Variants in POM121 observed in about 807,000 individuals in gnomAD.
POM121 encodes the protein POM121 transmembrane nucleoporin.
A neutral mutation model predicts 81.3 loss-of-function variants in POM121; 32 were observed. The ratio of observed to expected loss-of-function variants is 0.39; its 90% CI spans 0.30 to 0.53. The LOEUF is 0.53. Ranked by LOEUF, POM121 falls within the 20% of genes least tolerant of loss-of-function variation. The pLI is 0.66. For synonymous variants in POM121, 514 were observed against 694.2 expected (o/e 0.74, Z 4.08); for missense variants, 1,138 against 1,614.6 (o/e 0.70, Z 5.06).
intron 4 of POM121, among the ~76,000 whole-genome samples, chr7:72,918,954 C>T (rs1451513108): frequency 6.6e-6 from 1 of 152,136 alleles, no homozygotes; most frequent in Non-Finnish European, 1.5e-5. Context: ...CCCGCCACCA[C>T]ACCCGGCTAA....
At chr7:72,881,856 C>T (rs1359348023) in intron 1 of POM121, among the ~76,000 whole-genome samples, 1 of 152,092 alleles carries the variant, frequency 6.6e-6, no homozygotes, top group Non-Finnish European at 1.5e-5. Context: ...GTCTCAAACT[C>T]CTGACCTCAG....
chr7:72,894,640 AGAGAGAGAGAG>A (rs1791709785), intron 3 of POM121, among the ~76,000 whole-genome samples: 2 of 115,034 alleles, frequency 1.7e-5, no homozygotes, highest in Non-Finnish European at 3.5e-5. Context: ...AGAGAGAGAG[AGAGAGAGAGAG>A]AGAGAGAGAG....
chr7:72,898,832 A>G (rs868943622), intron 3 of POM121, among the ~76,000 whole-genome samples: 4 of 151,182 alleles, frequency 2.6e-5, no homozygotes, highest in African/African-American at 9.7e-5. Context: ...GGAGTCTTCA[A>G]TGTGGCAACA....
chr7:72,924,175 T>C (rs1482490290), upstream of POM121, among the ~76,000 whole-genome samples: 1 of 149,616 alleles, frequency 6.7e-6, no homozygotes, highest in African/African-American at 2.5e-5. Flanking sequence ...CTCGATCTCC[T>C]GACCTTGTGA....
At chr7:72,927,140 G>A (rs1338881230) in intron 3 of POM121, among the ~76,000 whole-genome samples, 177 bp downstream of exon 3, 2 of 152,198 alleles carry the variant, frequency 1.3e-5, no homozygotes, top group Non-Finnish European at 2.9e-5. Context: ...CTCTTTTCAA[G>A]GCACAGGTTA....
chr7:72,937,758 A>G (rs1215997111), intron 5 of POM121, among the ~76,000 whole-genome samples: 22 of 152,300 alleles, frequency 1.4e-4, no homozygotes, highest in Non-Finnish European at 2.9e-4. Context: ...GCTCTGTGCC[A>G]TCTACTTTGC....
intron 3 of POM121, among the ~76,000 whole-genome samples, chr7:72,906,824 C>T (rs1420320051): frequency 6.6e-6 from 1 of 151,252 alleles, no homozygotes; most frequent in African/African-American, 2.4e-5. Flanking sequence ...GATGGGGTCT[C>T]ACTATCATGC....
At chr7:72,918,503 C>T (rs1554495448) in intron 4 of POM121, among the ~76,000 whole-genome samples, 1 of 151,894 alleles carries the variant, frequency 6.6e-6, no homozygotes, top group African/African-American at 2.4e-5. Context: ...GATTGTAGAG[C>T]GAGGATTATT....
chr7:72,896,370 C>A (rs1791949985), intron 3 of POM121, among the ~76,000 whole-genome samples: 1 of 150,428 alleles, frequency 6.6e-6, no homozygotes, highest in Non-Finnish European at 1.5e-5. Flanking sequence ...CTTGTAGTCC[C>A]AGCTATTCAG....
At chr7:72,914,873 C>T (rs536363348) in intron 4 of POM121, among the ~76,000 whole-genome samples, 8 of 152,250 alleles carry the variant, frequency 5.3e-5, no homozygotes, top group African/African-American at 1.9e-4. Flanking sequence ...CAGTTCTGTG[C>T]TTCCCAGCTT....
upstream of POM121, chr7:72,924,851 A>T (rs1586144468): frequency 2.2e-6 from 1 of 447,176 alleles, no homozygotes. Flanking sequence ...TTACGTAAGC[A>T]TAGGTCTCGG....
At chr7:72,944,364 G>A (rs1413840996) in intron 11 of POM121, among the ~76,000 whole-genome samples, 2 of 152,228 alleles carry the variant, frequency 1.3e-5, no homozygotes, top group Non-Finnish European at 1.5e-5. Context: ...TGTTTGCTTC[G>A]TGAAGTAGAG....
rs1384827241 is a variant in POM121 at position 72,947,880 on chromosome 7, G to A, written c.*1646G>A. 1.0e-5 allele frequency: 10 copies of A among 994,862 alleles called. No individual in the cohort carries two copies. The highest frequency in any genetic ancestry group is 1.8e-5 in the African/African-American group (1 of 56,924). 61.6% of individuals were successfully genotyped at this position (994,862 alleles called of 1,614,324 possible). ...ATGTGACTGAGGGTGAGTGAGTGGT[G>A]GCGGGGCTGCTCCTTCCCACCCCTC... is the stretch of plus-strand genomic sequence containing the variant. On this transcript the variant is annotated 3_prime_UTR_variant, in exon 13 of 13. Transcript: ENST00000434423.
At chr7:72,902,763 C>T (rs1169717125) in intron 3 of POM121, among the ~76,000 whole-genome samples, 2 of 152,180 alleles carry the variant, frequency 1.3e-5, no homozygotes, top group African/African-American at 4.8e-5. Context: ...ATCCTGGCCT[C>T]AGGTGATCTG....
At chr7:72,902,857 C>T (rs1372965580) in intron 3 of POM121, among the ~76,000 whole-genome samples, 2 of 152,104 alleles carry the variant, frequency 1.3e-5, no homozygotes, top group Admixed American at 6.6e-5. Context: ...ATTTCTGTAT[C>T]GATGTTCTGC....
At chr7:72,927,564 G>A (rs1795585076) in intron 3 of POM121, among the ~76,000 whole-genome samples, 1 of 152,040 alleles carries the variant, frequency 6.6e-6, no homozygotes, top group Admixed American at 6.6e-5. Context: ...TCAAAAATTA[G>A]CTGGATGTGG....
chr7:72,880,351 C>G (rs1174293172), intron 1 of POM121, among the ~76,000 whole-genome samples: 1 of 152,146 alleles, frequency 6.6e-6, no homozygotes, highest in Non-Finnish European at 1.5e-5. Flanking sequence ...GGTGACTTGA[C>G]CAGGTCACCG....
At position 72,925,211 on chromosome 7, in the gene POM121, G is replaced by C. The variant is rs1795263624; in HGVS notation, c.90G>C (p.Gly30=). The change falls in exon 1 of 13, where the codon GGG becomes GGC. Residue 30 remains glycine, a synonymous_variant. Transcript: ENST00000434423. ...VRDGRGRGCG[G]PARAVLLGLS... ...ACGGCCGGGGCCGGGGCTGCGGCGG[G>C]CCGGCCAGGGCGGTGCTCCTGGGCC... 6.6e-7 allele frequency: 1 copy of C among 1,524,826 alleles called. No individual in the cohort carries two copies. 94.5% of individuals were successfully genotyped at this position (1,524,826 alleles called of 1,614,324 possible).
intron 10 of POM121, 112 bp from the exon 11 acceptor site, chr7:72,941,725 C>G: frequency 7.7e-7 from 1 of 1,301,566 alleles, no homozygotes; most frequent in Non-Finnish European, 1.1e-6. Flanking sequence ...AGTTTATTGA[C>G]TGACTCTTGG....
Sources: allele counts gnomAD v4.1 joint callset (sites outside exome capture counted in the v4.1 genomes callset), GRCh38; gene constraint gnomAD v4.1.1; transcripts MANE v1.5; gene names NCBI Gene and HGNC (gene_info 2026-07-23, HGNC 2026-07-21).